Variants in LDLRAD3 observed in about 807,000 individuals in gnomAD.
LDLRAD3 encodes the protein low density lipoprotein receptor class A domain containing 3, also known as low-density lipoprotein receptor class A domain-containing protein 3.
LDLRAD3 carries 20 observed loss-of-function variants against 29.4 expected under a neutral mutation model. The ratio of observed to expected loss-of-function variants is 0.68; its 90% CI spans 0.48 to 0.99. The LOEUF is 0.99. LDLRAD3 is among the 50% of genes least tolerant of loss of function. The pLI is 0.00. For missense variants in LDLRAD3, 420 were observed against 454.3 expected, an observed-to-expected ratio of 0.92 and a Z score of 0.69; for synonymous variants, 157 against 192.7, an observed-to-expected ratio of 0.81 and a Z score of 1.53.
At chr11:36,041,402 A>G (rs1445467099) in intron 2 of LDLRAD3, among the ~76,000 whole-genome samples, 3 of 152,224 alleles carry the variant, frequency 2.0e-5, no homozygotes, top group Non-Finnish European at 4.4e-5. Flanking sequence ...AGAGACCCCC[A>G]GTGGGGGCTT....
intron 1 of LDLRAD3, among the ~76,000 whole-genome samples, chr11:35,949,859 C>T (rs1316525241): frequency 6.6e-6 from 1 of 152,216 alleles, no homozygotes; most frequent in Non-Finnish European, 1.5e-5. Flanking sequence ...GGGAGAAATG[C>T]ACATTGTTTC....
In LDLRAD3 at chr11:36,189,644, A is replaced by G. The variant is rs544276644; in HGVS notation, c.455-37441A>G. 2.6e-5 allele frequency among the ~76,000 whole-genome samples: 4 copies of G among 151,986 alleles called. No individual in the cohort carries two copies. In the East Asian group the frequency reaches 7.7e-4, roughly 29 times the overall value. ...TGCACAACATGCAGGTTTGTTACAT[A>G]TGTATACATGTGCCATGTTGGTGTG... On this transcript the variant is annotated intron_variant, in intron 4 of 5. Transcript: ENST00000315571.
At chr11:36,036,343 C>A in intron 2 of LDLRAD3, 94 bp downstream of exon 2, 2 of 1,438,636 alleles carry the variant, frequency 1.4e-6, no homozygotes, top group Non-Finnish European at 1.9e-6. Context: ...GCACACTCTG[C>A]TTGCTGCAAG....
At chr11:36,157,191 A>T (rs1359233291) in intron 4 of LDLRAD3, among the ~76,000 whole-genome samples, 1 of 152,156 alleles carries the variant, frequency 6.6e-6, no homozygotes. Flanking sequence ...GGGTCTCCAG[A>T]TTGTATACAG....
chr11:36,107,110 C>T (rs1853539708), intron 4 of LDLRAD3, among the ~76,000 whole-genome samples: 1 of 152,214 alleles, frequency 6.6e-6, no homozygotes, highest in Admixed American at 6.5e-5. Context: ...CTGTTGTAAA[C>T]CACTGAGATT....
At chr11:36,181,473 G>A (rs1186793809) in intron 4 of LDLRAD3, among the ~76,000 whole-genome samples, 1 of 152,094 alleles carries the variant, frequency 6.6e-6, no homozygotes, top group Non-Finnish European at 1.5e-5. Flanking sequence ...GTCAGGTGAA[G>A]TGTCTTTTCC....
intron 2 of LDLRAD3, among the ~76,000 whole-genome samples, chr11:36,066,075 A>G (rs909728515): frequency 6.6e-6 from 1 of 152,104 alleles, no homozygotes; most frequent in Non-Finnish European, 1.5e-5. Context: ...CCTAAGTGAG[A>G]TGGAAAAGGG....
rs1026098737 is a variant in LDLRAD3 at position 36,064,300 on chromosome 11, G to GT, written c.194-17345dup. 3.1e-3 allele frequency among the ~76,000 whole-genome samples: 467 copies of GT among 151,686 alleles called. 3 individuals are homozygous for GT. The highest frequency in any genetic ancestry group is 0.011 in the African/African-American group (440 of 41,346). On this transcript the variant is annotated intron_variant, in intron 2 of 5. Coordinates refer to ENST00000315571, the MANE Select transcript of LDLRAD3 (RefSeq NM_174902.4). ...CTAAACTTGTTCGTTAGTTCTAATA[G>GT]TTTTTTTTAAAAAATTTTTGAGACA...
At chr11:35,957,695 C>T (rs1282852719) in intron 1 of LDLRAD3, among the ~76,000 whole-genome samples, 1 of 148,694 alleles carries the variant, frequency 6.7e-6, no homozygotes, top group African/African-American at 2.5e-5. Context: ...AGGTAGGAGG[C>T]TGAGACAGAA....
At chr11:36,024,690 C>T (rs1041612424) in intron 1 of LDLRAD3, among the ~76,000 whole-genome samples, 3 of 152,228 alleles carry the variant, frequency 2.0e-5, no homozygotes, top group African/African-American at 7.2e-5. Context: ...TTTGACTGTG[C>T]TCTGTGCCTT....
chr11:36,187,112 C>T (rs997100086), intron 4 of LDLRAD3, among the ~76,000 whole-genome samples: 1 of 152,120 alleles, frequency 6.6e-6, no homozygotes, highest in African/African-American at 2.4e-5. Flanking sequence ...TCCATCTTTC[C>T]TTGGCTTCCT....
chr11:36,008,600 T>A (rs1169138268), intron 1 of LDLRAD3, among the ~76,000 whole-genome samples: 37 of 152,168 alleles, frequency 2.4e-4, no homozygotes, highest in Non-Finnish European at 7.3e-5. Context: ...ATATATATAT[T>A]TTTTATCTGT....
chr11:36,032,764 G>A (rs1852251204), intron 1 of LDLRAD3, among the ~76,000 whole-genome samples: 2 of 152,182 alleles, frequency 1.3e-5, no homozygotes, highest in African/African-American at 4.8e-5. Flanking sequence ...AAGAGATAAT[G>A]GCGGCTTGGA....
At chr11:36,138,764 A>C (rs1425398495) in intron 4 of LDLRAD3, among the ~76,000 whole-genome samples, 2 of 152,232 alleles carry the variant, frequency 1.3e-5, no homozygotes, top group African/African-American at 4.8e-5. Context: ...GGGTAGGTGG[A>C]CATTGAAGAT....
At chr11:36,082,798 G>A (rs183243958) in intron 3 of LDLRAD3, among the ~76,000 whole-genome samples, 33 of 152,220 alleles carry the variant, frequency 2.2e-4, no homozygotes, top group East Asian at 5.8e-4. Context: ...ATGACTTTGC[G>A]TACAGCAGCC....
intron 4 of LDLRAD3, among the ~76,000 whole-genome samples, chr11:36,110,757 A>G (rs1853594294): frequency 6.6e-6 from 1 of 152,268 alleles, no homozygotes; most frequent in African/African-American, 2.4e-5. Flanking sequence ...AGGGAGAAAC[A>G]TAATAGCCTG....
chr11:36,158,394 G>A (rs1395772258), intron 4 of LDLRAD3, among the ~76,000 whole-genome samples: 1 of 152,084 alleles, frequency 6.6e-6, no homozygotes, highest in Non-Finnish European at 1.5e-5. Flanking sequence ...ATATACCCAA[G>A]GGTCCACCTT....
chr11:36,071,310 A>G (rs1449627171), intron 2 of LDLRAD3, among the ~76,000 whole-genome samples: 1 of 152,254 alleles, frequency 6.6e-6, no homozygotes, highest in Non-Finnish European at 1.5e-5. Flanking sequence ...GTCTGTGGCC[A>G]GAAGACAATA....
At chr11:36,198,170 A>C (rs16928514) in intron 4 of LDLRAD3, among the ~76,000 whole-genome samples, 12,280 of 152,316 alleles carry the variant, frequency 0.081, 541 homozygotes, top group East Asian at 0.19. Flanking sequence ...ATAAGCATGA[A>C]GGTCATCAAA....
Sources: gnomAD v4.1 joint callset for allele counts (sites outside exome capture counted in the v4.1 genomes callset) on GRCh38, gnomAD v4.1.1 for gene constraint, MANE v1.5 for transcripts, NCBI Gene and HGNC (gene_info 2026-07-23, HGNC 2026-07-21) for gene names.